ROR1: variants seen among roughly 807,000 people sequenced by gnomAD.
ROR1 encodes the protein ROR family WNT receptor 1.
In ROR1, 19 loss-of-function variants were observed where a neutral mutation model predicts 78.8. The ratio of observed to expected loss-of-function variants is 0.24; its 90% confidence interval spans 0.17 to 0.35. The LOEUF (loss-of-function observed/expected upper bound fraction) is 0.35, where lower values mean the gene tolerates loss of function less well. Among genes scored for constraint, ROR1 ranks in the 10% least tolerant of loss-of-function variants. The probability of loss-of-function intolerance (pLI) is 1.00; values close to 1 mark genes in which losing one functional copy is unlikely to be tolerated. For missense variants in ROR1, 917 were observed against 1,177.8 expected (o/e 0.78, Z 3.24); for synonymous variants, 386 against 433.6 (o/e 0.89, Z 1.36).
At chr1:64,055,240 G>A (rs189513716) in intron 4 of ROR1, among the ~76,000 whole-genome samples, 41 of 152,348 alleles carry the variant, frequency 2.7e-4, no homozygotes, top group Admixed American at 2.2e-3. Context: ...TTTCAGAAGC[G>A]CTGGTTGGAA....
intron 5 of ROR1, among the ~76,000 whole-genome samples, chr1:64,137,875 G>A (rs765025518): frequency 4.6e-5 from 7 of 152,122 alleles, no homozygotes; most frequent in Non-Finnish European, 8.8e-5. Context: ...GAGAGGGGAT[G>A]AATTTAGAGT....
intron 4 of ROR1, among the ~76,000 whole-genome samples, chr1:64,117,024 T>C (rs577514290): frequency 3.9e-5 from 6 of 152,312 alleles, no homozygotes; most frequent in African/African-American, 1.4e-4. Flanking sequence ...ACCCTCTATG[T>C]AGTGCTATAA....
chr1:64,178,992 G>A lies in ROR1; in HGVS notation c.*137G>A, dbSNP rs1650475232. ...CAAGTACCTTCTGTGAAGTTTCACT[G>A]TGTCTTACCAAGCAGGACAGACACT... On this transcript the variant is annotated 3_prime_UTR_variant, in exon 9 of 9. Transcript: ENST00000371079. This position sits in a 1 kb window ranked among gnomAD's most constrained non-coding sequence, Gnocchi z 4.3. The A allele has an allele frequency of 2.3e-6, 1 of 440,614 alleles. No homozygotes were observed. The highest frequency in any genetic ancestry group is 4.0e-6 in the Non-Finnish European group (1 of 248,610). The allele number at this position is 440,614 out of a possible 1,614,324, so 27.3% of individuals were successfully genotyped here. A position where few individuals can be genotyped will look rare whatever the true frequency, so the allele number is the denominator to read the frequency against.
chr1:63,969,634 C>T (rs1037408024), intron 1 of ROR1, among the ~76,000 whole-genome samples: 21 of 152,140 alleles, frequency 1.4e-4, no homozygotes, highest in East Asian at 3.9e-4. Flanking sequence ...ATCCAGTGTC[C>T]GAGCCAGAAA....
At chr1:63,955,701 C>T (rs910974207) in intron 1 of ROR1, among the ~76,000 whole-genome samples, 4 of 152,160 alleles carry the variant, frequency 2.6e-5, no homozygotes, top group African/African-American at 2.4e-5. Flanking sequence ...GCACAGCTCA[C>T]AATCCTTAAT....
chr1:64,106,681 A>G (rs965851388), intron 4 of ROR1: 5 of 152,086 alleles, frequency 3.3e-5, no homozygotes, highest in African/African-American at 1.2e-4. Context: ...GTTGAATTTT[A>G]TCAAAGGCCT....
intron 1 of ROR1, among the ~76,000 whole-genome samples, chr1:63,967,565 C>G (rs998886620): frequency 1.3e-5 from 2 of 152,136 alleles, no homozygotes; most frequent in African/African-American, 2.4e-5. Context: ...ATCCCTACCA[C>G]CATCATCAAC....
intron 1 of ROR1, among the ~76,000 whole-genome samples, chr1:63,812,536 GA>G (rs1644866745): frequency 2.0e-5 from 3 of 152,322 alleles, no homozygotes; most frequent in African/African-American, 7.2e-5. Context: ...ATGAATGGAT[GA>G]ATGAATGAAT....
intron 1 of ROR1, among the ~76,000 whole-genome samples, chr1:63,999,234 T>C (rs891220439): frequency 2.6e-5 from 4 of 152,232 alleles, no homozygotes; most frequent in African/African-American, 7.2e-5. Flanking sequence ...CAAAGACAGA[T>C]ACGTGATTAT....
At chr1:63,957,717 T>C (rs1472043461) in intron 1 of ROR1, among the ~76,000 whole-genome samples, 1 of 152,008 alleles carries the variant, frequency 6.6e-6, no homozygotes, top group Non-Finnish European at 1.5e-5. Flanking sequence ...CTTTAACCAA[T>C]TGATAACCCT....
At chr1:63,964,314 G>T (rs1350897151) in intron 1 of ROR1, among the ~76,000 whole-genome samples, 1 of 152,136 alleles carries the variant, frequency 6.6e-6, no homozygotes, top group Non-Finnish European at 1.5e-5. Flanking sequence ...CTTTGGGTTG[G>T]GTTTCATAGC....
chr1:63,924,572 T>C, intron 1 of ROR1, among the ~76,000 whole-genome samples: 1 of 152,210 alleles, frequency 6.6e-6, no homozygotes, highest in South Asian at 2.1e-4. Flanking sequence ...TCCCGATACT[T>C]TCATTCACTC....
intron 1 of ROR1, among the ~76,000 whole-genome samples, chr1:63,789,687 T>C (rs1474461389): frequency 2.7e-5 from 4 of 150,848 alleles, no homozygotes; most frequent in Admixed American, 2.0e-4. Flanking sequence ...TTTTTTTTTT[T>C]TTTTTTTTTG....
chr1:64,086,318 T>C (rs552930586), intron 4 of ROR1, among the ~76,000 whole-genome samples: 85 of 152,358 alleles, frequency 5.6e-4, no homozygotes, highest in Non-Finnish European at 1.1e-3. Flanking sequence ...AAACCCGTCT[T>C]TATATTCCAA....
At chr1:64,043,237 T>A (rs1345899232) in intron 2 of ROR1, among the ~76,000 whole-genome samples, 1 of 152,250 alleles carries the variant, frequency 6.6e-6, no homozygotes, top group Non-Finnish European at 1.5e-5. Flanking sequence ...GATTTGTGGA[T>A]GTGACATCTT....
intron 1 of ROR1, among the ~76,000 whole-genome samples, chr1:63,779,763 G>A (rs1370947263): frequency 6.6e-6 from 1 of 152,160 alleles, no homozygotes; most frequent in African/African-American, 2.4e-5. Flanking sequence ...GTGGATTAAT[G>A]TTATGTGATT....
chr1:63,855,567 T>C (rs557642368), intron 1 of ROR1, among the ~76,000 whole-genome samples: 1 of 152,294 alleles, frequency 6.6e-6, no homozygotes, highest in Non-Finnish European at 1.5e-5. Flanking sequence ...ATTTATCCTC[T>C]GCAATGTCTA....
intron 1 of ROR1, among the ~76,000 whole-genome samples, chr1:63,923,496 C>T (rs1399635043): frequency 6.6e-6 from 1 of 151,850 alleles, no homozygotes; most frequent in Non-Finnish European, 1.5e-5. Context: ...ATTACATCAT[C>T]CTTAATTTTT....
intron 4 of ROR1, among the ~76,000 whole-genome samples, chr1:64,080,036 G>C (rs547589557): frequency 6.6e-6 from 1 of 152,274 alleles, no homozygotes; most frequent in Non-Finnish European, 1.5e-5. Context: ...CCTTAGCTGG[G>C]ATGACTAAAG....
Sources: allele counts gnomAD v4.1 joint callset (sites outside exome capture counted in the v4.1 genomes callset), GRCh38; gene constraint gnomAD v4.1.1; non-coding constraint Gnocchi (gnomAD v3.1); transcripts MANE v1.5; gene names NCBI Gene and HGNC (gene_info 2026-07-23, HGNC 2026-07-21).